Variants in BABAM2 observed in about 807,000 individuals in gnomAD.
The protein encoded by BABAM2 is BRISC and BRCA1 A complex member 2.
In BABAM2, 31 loss-of-function variants were observed where a neutral mutation model predicts 54.7. That is an observed-to-expected ratio of 0.57 (90% CI 0.43 to 0.77). BABAM2 has a LOEUF of 0.77. BABAM2 is among the 30% of genes least tolerant of loss of function. The pLI is 0.00. For missense variants in BABAM2, 364 were observed against 455.8 expected, an observed-to-expected ratio of 0.80 and a Z score of 1.83; for synonymous variants, 167 against 162.9, an observed-to-expected ratio of 1.03 and a Z score of -0.19.
intron 6 of BABAM2, among the ~76,000 whole-genome samples, chr2:28,125,848 A>G (rs1037611835): frequency 2.6e-5 from 4 of 152,258 alleles, no homozygotes; most frequent in Non-Finnish European, 4.4e-5. Context: ...TTAATAAAAA[A>G]TAAATCCATG....
At chr2:28,122,184 C>G (rs1257125059) in intron 6 of BABAM2, among the ~76,000 whole-genome samples, 1 of 152,056 alleles carries the variant, frequency 6.6e-6, no homozygotes, top group Admixed American at 6.6e-5. Flanking sequence ...CCACTGCACT[C>G]CAGCCTGGGT....
At chr2:27,994,840 T>C (rs1387624443) in intron 4 of BABAM2, among the ~76,000 whole-genome samples, 1 of 152,204 alleles carries the variant, frequency 6.6e-6, no homozygotes, top group Non-Finnish European at 1.5e-5. Context: ...CTGGGTCATA[T>C]AGTATAGATG....
intron 4 of BABAM2, among the ~76,000 whole-genome samples, chr2:27,998,328 A>G (rs1268235288): frequency 6.6e-6 from 1 of 151,888 alleles, no homozygotes; most frequent in African/African-American, 2.4e-5. Flanking sequence ...TATTATTATT[A>G]GCATTCGAAA....
At chr2:28,119,285 C>T (rs1668863675) in intron 6 of BABAM2, among the ~76,000 whole-genome samples, 2 of 152,198 alleles carry the variant, frequency 1.3e-5, no homozygotes, top group Non-Finnish European at 2.9e-5. Flanking sequence ...CTCCACACTC[C>T]AGATTCTTTC....
intron 10 of BABAM2, among the ~76,000 whole-genome samples, chr2:28,266,324 A>G (rs1485585381): frequency 6.6e-6 from 1 of 152,212 alleles, no homozygotes; most frequent in Non-Finnish European, 1.5e-5. Context: ...AGCATATTAC[A>G]TACCTTATCT....
chr2:27,972,930 A>G (rs1217504242), intron 3 of BABAM2, among the ~76,000 whole-genome samples: 1 of 151,536 alleles, frequency 6.6e-6, no homozygotes, highest in African/African-American at 2.4e-5. Context: ...CCACACCTGG[A>G]TGATTTTTGT....
chr2:27,964,479 A>G (rs983160241), intron 3 of BABAM2, among the ~76,000 whole-genome samples: 4 of 152,234 alleles, frequency 2.6e-5, no homozygotes, highest in African/African-American at 9.6e-5. Context: ...CCAATAATGT[A>G]GTGCAATTAC....
intron 6 of BABAM2, among the ~76,000 whole-genome samples, chr2:28,075,294 G>A (rs1573528109): frequency 6.6e-6 from 1 of 152,276 alleles, no homozygotes; most frequent in South Asian, 2.1e-4. Context: ...AGGCTGTTTA[G>A]GTTTTTTGTT....
intron 7 of BABAM2, among the ~76,000 whole-genome samples, chr2:28,135,076 G>A (rs1670418913): frequency 6.6e-6 from 1 of 152,138 alleles, no homozygotes; most frequent in African/African-American, 2.4e-5. Flanking sequence ...GTAGTGCTTG[G>A]CCCATGGTTG....
At chr2:27,986,497 A>C (rs1182202512) in intron 3 of BABAM2, among the ~76,000 whole-genome samples, 2 of 152,084 alleles carry the variant, frequency 1.3e-5, no homozygotes, top group East Asian at 3.9e-4. Context: ...TATGAGTGAC[A>C]TTTTGGAGGA....
At chr2:27,936,055 A>G (rs1251545847) in intron 3 of BABAM2, among the ~76,000 whole-genome samples, 2 of 152,066 alleles carry the variant, frequency 1.3e-5, no homozygotes, top group Non-Finnish European at 2.9e-5. Flanking sequence ...AGTAGCTGGG[A>G]TTACAGGTGC....
At chr2:28,219,807 A>G (rs557025626) in intron 7 of BABAM2, among the ~76,000 whole-genome samples, 1 of 152,306 alleles carries the variant, frequency 6.6e-6, no homozygotes, top group South Asian at 2.1e-4. Context: ...TAGTGCTTGA[A>G]GGTTGCTTGA....
intron 6 of BABAM2, among the ~76,000 whole-genome samples, chr2:28,091,192 A>T (rs1666126709): frequency 6.6e-6 from 1 of 152,234 alleles, no homozygotes; most frequent in African/African-American, 2.4e-5. Flanking sequence ...TCCTAAAACA[A>T]TAAAAATGGG....
At chr2:28,005,937 A>C (rs1052661667) in intron 4 of BABAM2, among the ~76,000 whole-genome samples, 12 of 152,144 alleles carry the variant, frequency 7.9e-5, no homozygotes, top group Non-Finnish European at 1.5e-4. Context: ...TCTTTTAAAA[A>C]GCATAACCAA....
chr2:27,963,488 A>AAAAAAG (rs1573277398), intron 3 of BABAM2, among the ~76,000 whole-genome samples: 2 of 151,382 alleles, frequency 1.3e-5, no homozygotes, highest in East Asian at 3.9e-4. Flanking sequence ...AAAAAAAAAA[A>AAAAAAG]AAAAAGAAAA....
At chr2:28,154,642 T>A (rs910907036) in intron 7 of BABAM2, among the ~76,000 whole-genome samples, 1 of 152,234 alleles carries the variant, frequency 6.6e-6, no homozygotes, top group Non-Finnish European at 1.5e-5. Flanking sequence ...TGTATTTTTT[T>A]AAATCATTCA....
intron 6 of BABAM2, among the ~76,000 whole-genome samples, chr2:28,052,658 A>G (rs1052578846): frequency 6.6e-6 from 1 of 152,180 alleles, no homozygotes; most frequent in African/African-American, 2.4e-5. Flanking sequence ...CATTATATCA[A>G]TGTTCTCTCC....
chr2:27,988,210 C>A, intron 4 of BABAM2, 123 bp downstream of exon 4: 1 of 872,204 alleles, frequency 1.1e-6, no homozygotes, highest in Non-Finnish European at 1.9e-6. Flanking sequence ...CCCCTCTTTT[C>A]TCTGTCCTGT....
chr2:28,051,525 T>C (rs1420734673), intron 6 of BABAM2, among the ~76,000 whole-genome samples: 3 of 152,130 alleles, frequency 2.0e-5, no homozygotes, highest in Non-Finnish European at 4.4e-5. Flanking sequence ...GAAACCAAAG[T>C]GAACCTTTTG....
Sources: allele counts gnomAD v4.1 joint callset (sites outside exome capture counted in the v4.1 genomes callset), GRCh38; gene constraint gnomAD v4.1.1; transcripts MANE v1.5; gene names NCBI Gene and HGNC (gene_info 2026-07-23, HGNC 2026-07-21).